The following KLF12 variants were observed in gnomAD, a reference collection of about 807,000 sequenced individuals.
KLF12 encodes KLF transcription factor 12.
In KLF12, 9 loss-of-function variants were observed where a neutral mutation model predicts 37.8. The ratio of observed to expected loss-of-function variants is 0.24; its 90% CI spans 0.14 to 0.42. The LOEUF (loss-of-function observed/expected upper bound fraction) is 0.42, where lower values mean the gene tolerates loss of function less well. Among genes scored for constraint, KLF12 ranks in the 10% least tolerant of loss-of-function variants. The probability of loss-of-function intolerance (pLI) is 1.00; values close to 1 mark genes in which losing one functional copy is unlikely to be tolerated. For synonymous variants in KLF12, 208 were observed against 202.1 expected (o/e 1.03, Z -0.25); for missense variants, 411 against 516.0 (o/e 0.80, Z 1.97).
At chr13:73,793,448 A>G (rs1197989566) in intron 5 of KLF12, among the ~76,000 whole-genome samples, 1 of 152,224 alleles carries the variant, frequency 6.6e-6, no homozygotes, top group Non-Finnish European at 1.5e-5. Context: ...TACCATTTTA[A>G]AAAGCACATT....
intron 1 of KLF12, among the ~76,000 whole-genome samples, chr13:74,051,393 C>A (rs943219912): frequency 6.8e-6 from 1 of 146,644 alleles, no homozygotes; most frequent in Non-Finnish European, 1.5e-5. Context: ...AATTCCGCTA[C>A]CAACTCTGTA....
intron 1 of KLF12, among the ~76,000 whole-genome samples, chr13:74,072,996 G>A (rs79438782): frequency 4.5e-4 from 69 of 152,238 alleles, no homozygotes; most frequent in African/African-American, 1.5e-3. Flanking sequence ...TTCTTCCCAC[G>A]CTGTTCTCAT....
intron 1 of KLF12, among the ~76,000 whole-genome samples, chr13:74,000,774 C>T (rs532144271): frequency 8.5e-5 from 13 of 152,278 alleles, no homozygotes; most frequent in African/African-American, 3.1e-4. Context: ...TTTCATTACA[C>T]CCCATCATTC....
At chr13:74,005,294 T>G (rs887694462) in intron 1 of KLF12, among the ~76,000 whole-genome samples, 1 of 152,172 alleles carries the variant, frequency 6.6e-6, no homozygotes, top group African/African-American at 2.4e-5. Context: ...CTAAAATGAT[T>G]GAAATATAGA....
At chr13:73,915,534 A>G (rs1888779525) in intron 3 of KLF12, among the ~76,000 whole-genome samples, 2 of 150,286 alleles carry the variant, frequency 1.3e-5, no homozygotes, top group African/African-American at 4.9e-5. Flanking sequence ...TTTTTTTGAG[A>G]TGGAGTCTCG....
At chr13:73,951,696 C>G (rs1031851124) in intron 2 of KLF12, among the ~76,000 whole-genome samples, 1 of 152,234 alleles carries the variant, frequency 6.6e-6, no homozygotes, top group African/African-American at 2.4e-5. Context: ...CCCTGACCTA[C>G]AGCAGGTGCC....
the KLF12 span, among the ~76,000 whole-genome samples, chr13:74,167,659 C>A: frequency 2.0e-5 from 3 of 152,210 alleles, no homozygotes; most frequent in African/African-American, 7.2e-5. Flanking sequence ...AAGTAGCTAA[C>A]ATATGCCAGG....
intron 3 of KLF12, among the ~76,000 whole-genome samples, chr13:73,855,826 CATT>C (rs71764403): frequency 0.19 from 29,539 of 152,038 alleles, 3,593 homozygotes; most frequent in East Asian, 0.38. Flanking sequence ...TATGGCATCT[CATT>C]GTGATTTGAT....
At chr13:73,857,027 A>C (rs1190546074) in intron 3 of KLF12, among the ~76,000 whole-genome samples, 1 of 152,066 alleles carries the variant, frequency 6.6e-6, no homozygotes, top group Non-Finnish European at 1.5e-5. Flanking sequence ...ACTAAAATTA[A>C]AATTAAATAA....
chr13:73,781,983 T>G (rs1017437552), intron 5 of KLF12, among the ~76,000 whole-genome samples: 3 of 152,178 alleles, frequency 2.0e-5, no homozygotes, highest in Non-Finnish European at 4.4e-5. Flanking sequence ...AAAATAGTAA[T>G]TAATGAATCA....
chr13:73,719,994 T>C (rs922471496), intron 6 of KLF12, among the ~76,000 whole-genome samples: 5 of 152,166 alleles, frequency 3.3e-5, no homozygotes, highest in East Asian at 1.9e-4. Context: ...TCTCAATTAT[T>C]TCCTCTAAGT....
chr13:73,756,910 C>T (rs933097860), intron 6 of KLF12, among the ~76,000 whole-genome samples: 1 of 152,144 alleles, frequency 6.6e-6, no homozygotes, highest in Non-Finnish European at 1.5e-5. Flanking sequence ...CCTGTGTTTC[C>T]TGAGGCCCAG....
chr13:74,161,182 T>G, the KLF12 span, among the ~76,000 whole-genome samples: 1 of 151,960 alleles, frequency 6.6e-6, no homozygotes, highest in Non-Finnish European at 1.5e-5. Flanking sequence ...TTAGCAAATT[T>G]GTTGATCTGT....
the KLF12 span, among the ~76,000 whole-genome samples, chr13:74,155,374 T>G: frequency 3.3e-5 from 5 of 152,030 alleles, no homozygotes; most frequent in African/African-American, 1.2e-4. Context: ...TTTTTGTTTT[T>G]TTTCTAGACA....
At chr13:74,091,356 G>A (rs961314483) in intron 1 of KLF12, among the ~76,000 whole-genome samples, 1 of 152,130 alleles carries the variant, frequency 6.6e-6, no homozygotes, top group Non-Finnish European at 1.5e-5. Context: ...GTAACAAAAA[G>A]TTAAACTGAT....
At chr13:73,737,604 G>A (rs1471683463) in intron 6 of KLF12, among the ~76,000 whole-genome samples, 1 of 152,090 alleles carries the variant, frequency 6.6e-6, no homozygotes, top group Non-Finnish European at 1.5e-5. Flanking sequence ...AATCAGGTAC[G>A]AAGTTCATAC....
At chr13:74,163,327 A>G in the KLF12 span, among the ~76,000 whole-genome samples, 8 of 152,322 alleles carry the variant, frequency 5.3e-5, no homozygotes, top group East Asian at 1.5e-3. Context: ...ATATGGAATC[A>G]TATCTGTTTA....
At chr13:73,807,396 C>T (rs552684225) in intron 5 of KLF12, among the ~76,000 whole-genome samples, 2 of 152,044 alleles carry the variant, frequency 1.3e-5, no homozygotes, top group East Asian at 3.9e-4. Flanking sequence ...CATATCTGCT[C>T]TTTTAAAGAG....
At chr13:73,805,889 C>A (rs1053822852) in intron 5 of KLF12, among the ~76,000 whole-genome samples, 38 of 152,076 alleles carry the variant, frequency 2.5e-4, no homozygotes, top group Non-Finnish European at 4.7e-4. Context: ...ACTGCAACCT[C>A]CACCTCCTGG....
Sources: allele counts gnomAD v4.1 joint callset (sites outside exome capture counted in the v4.1 genomes callset), GRCh38; gene constraint gnomAD v4.1.1; transcripts MANE v1.5; gene names NCBI Gene and HGNC (gene_info 2026-07-23, HGNC 2026-07-21).